Variants in SLC4A10 observed in about 807,000 individuals in gnomAD.
The protein encoded by SLC4A10 is sodium-driven chloride bicarbonate exchanger.
In SLC4A10, 42 loss-of-function variants were observed where a neutral mutation model predicts 137.7. The observed-to-expected ratio is 0.30, with a 90% CI of 0.24 to 0.39. The LOEUF (loss-of-function observed/expected upper bound fraction) is 0.39. Among genes scored for constraint, SLC4A10 ranks in the 10% least tolerant of loss-of-function variants. The pLI, the probability that SLC4A10 is intolerant of heterozygous loss-of-function variation, is 1.00. For synonymous variants in SLC4A10, 474 were observed against 464.1 expected, an observed-to-expected ratio of 1.02 and a Z score of -0.27; for missense variants, 925 against 1,355.0, an observed-to-expected ratio of 0.68 and a Z score of 4.98.
intron 15 of SLC4A10, among the ~76,000 whole-genome samples, chr2:161,912,183 A>G (rs766112247): frequency 6.6e-6 from 1 of 152,098 alleles, no homozygotes; most frequent in African/African-American, 2.4e-5. Context: ...TCTTTCAACT[A>G]TGTTACTCTT....
In SLC4A10 at chr2:161,646,862, T is replaced by C. The variant is rs574210511; in HGVS notation, c.48+22296T>C. On this transcript the variant is annotated intron_variant, in intron 1 of 26. Coordinates refer to ENST00000446997, the MANE Select transcript of SLC4A10 (RefSeq NM_001178015.2). ...ATAATAGGAAAACATTTCACATTTG[T>C]TGAAATCCTCCCTTTCACCTGGTTT... Among the ~76,000 whole-genome samples, 69 of 152,194 alleles carry C rather than the reference T, an allele frequency of 4.5e-4. 1 individual carries two copies. In the South Asian group the frequency reaches 8.9e-3, roughly 20 times the overall value.
intron 1 of SLC4A10, among the ~76,000 whole-genome samples, chr2:161,732,357 A>G (rs576615995): frequency 6.6e-6 from 1 of 152,336 alleles, no homozygotes; most frequent in South Asian, 2.1e-4. Flanking sequence ...GCATACAAAA[A>G]GATTCCCCAT....
At chr2:161,788,026 T>C (rs2053817040) in intron 2 of SLC4A10, among the ~76,000 whole-genome samples, 1 of 152,080 alleles carries the variant, frequency 6.6e-6, no homozygotes, top group African/African-American at 2.4e-5. Context: ...TGCGAAGGAG[T>C]TGTTGCTTCT....
chr2:161,699,442 C>T (rs374710758), intron 1 of SLC4A10, among the ~76,000 whole-genome samples: 10 of 152,078 alleles, frequency 6.6e-5, no homozygotes, highest in Admixed American at 2.0e-4. Flanking sequence ...ATAGCCACCC[C>T]GGCATAGAAA....
chr2:161,869,811 A>G (rs1176499566), intron 6 of SLC4A10, among the ~76,000 whole-genome samples: 2 of 151,622 alleles, frequency 1.3e-5, no homozygotes, highest in Non-Finnish European at 3.0e-5. Context: ...ATTAACGCCT[A>G]TCATTTAACT....
chr2:161,801,400 C>G (rs773157408), intron 2 of SLC4A10, among the ~76,000 whole-genome samples: 13 of 151,896 alleles, frequency 8.6e-5, no homozygotes, highest in Admixed American at 1.3e-4. Flanking sequence ...TCTTATCTTT[C>G]TATTTCAAAA....
At chr2:161,945,956 C>T (rs1693720855) in intron 16 of SLC4A10, among the ~76,000 whole-genome samples, 1 of 151,848 alleles carries the variant, frequency 6.6e-6, no homozygotes, top group African/African-American at 2.4e-5. Flanking sequence ...CTTTTAGCTC[C>T]TTTTTCTATG....
chr2:161,971,318 A>C (rs1317441169), intron 23 of SLC4A10, among the ~76,000 whole-genome samples: 1 of 152,138 alleles, frequency 6.6e-6, no homozygotes, highest in Non-Finnish European at 1.5e-5. Context: ...ATATCTGAAA[A>C]CTGCTTTGGC....
At chr2:161,829,270 A>G (rs2058264593) in intron 3 of SLC4A10, among the ~76,000 whole-genome samples, 1 of 152,196 alleles carries the variant, frequency 6.6e-6, no homozygotes, top group Admixed American at 6.5e-5. Context: ...CAATTTAAGA[A>G]CAATAAATAT....
At chr2:161,683,627 C>A (rs925610104) in intron 1 of SLC4A10, among the ~76,000 whole-genome samples, 1 of 152,072 alleles carries the variant, frequency 6.6e-6, no homozygotes, top group Non-Finnish European at 1.5e-5. Flanking sequence ...AAATCTCTAG[C>A]CAAATTTTAT....
At chr2:161,916,982 C>G (rs1359786479) in intron 15 of SLC4A10, among the ~76,000 whole-genome samples, 2 of 152,122 alleles carry the variant, frequency 1.3e-5, no homozygotes, top group Non-Finnish European at 2.9e-5. Context: ...ATAAATACTA[C>G]CATAATCAAT....
intron 15 of SLC4A10, among the ~76,000 whole-genome samples, chr2:161,910,824 T>G (rs1685651111): frequency 6.6e-6 from 1 of 152,052 alleles, no homozygotes; most frequent in Admixed American, 6.6e-5. Flanking sequence ...CTGACTGACA[T>G]GCAGAAGAGT....
At chr2:161,699,457 A>G (rs931243090) in intron 1 of SLC4A10, among the ~76,000 whole-genome samples, 17 of 152,214 alleles carry the variant, frequency 1.1e-4, no homozygotes, top group Non-Finnish European at 2.2e-4. Flanking sequence ...TAGAAAGGTA[A>G]TTTTAATGGC....
At chr2:161,668,124 G>A (rs376703553) in intron 1 of SLC4A10, among the ~76,000 whole-genome samples, 1 of 151,764 alleles carries the variant, frequency 6.6e-6, no homozygotes, top group Admixed American at 6.6e-5. Flanking sequence ...CTCTGGCAAC[G>A]AAACTTTGAA....
chr2:161,976,445 G>A (rs1267370429), intron 24 of SLC4A10, among the ~76,000 whole-genome samples: 6 of 152,156 alleles, frequency 3.9e-5, no homozygotes, highest in Middle Eastern at 3.2e-3. Context: ...AGTTGCCAGG[G>A]ACCGGGAACA....
chr2:161,841,867 C>G (rs2059205762), intron 4 of SLC4A10, among the ~76,000 whole-genome samples: 1 of 152,160 alleles, frequency 6.6e-6, no homozygotes, highest in African/African-American at 2.4e-5. Flanking sequence ...TTCTGTGCAT[C>G]TTTCCCCCAA....
chr2:161,752,244 C>T (rs1364167951), intron 1 of SLC4A10, among the ~76,000 whole-genome samples: 1 of 151,808 alleles, frequency 6.6e-6, no homozygotes, highest in East Asian at 1.9e-4. Flanking sequence ...CCAGTAAGGA[C>T]CTATTTTACT....
chr2:161,816,725 C>G (rs1184242913), intron 3 of SLC4A10, among the ~76,000 whole-genome samples: 1 of 148,608 alleles, frequency 6.7e-6, no homozygotes, highest in South Asian at 2.1e-4. Context: ...TGACAACATG[C>G]GGTGTTTGGT....
chr2:161,978,397 A>G (rs1207039439), intron 26 of SLC4A10, among the ~76,000 whole-genome samples: 6 of 150,388 alleles, frequency 4.0e-5, no homozygotes, highest in East Asian at 1.9e-4. Context: ...AAAAAAAAAA[A>G]AAAAGAAAAG....
Sources: allele counts gnomAD v4.1 joint callset (sites outside exome capture counted in the v4.1 genomes callset), GRCh38; gene constraint gnomAD v4.1.1; transcripts MANE v1.5; gene names NCBI Gene and HGNC (gene_info 2026-07-23, HGNC 2026-07-21).